Variants in TMEM182 observed in about 807,000 individuals in gnomAD.
TMEM182 encodes transmembrane protein 182.
A neutral mutation model predicts 26.8 loss-of-function variants in TMEM182; 20 were observed. That is an observed-to-expected ratio of 0.75 (90% CI 0.53 to 1.09). The LOEUF (loss-of-function observed/expected upper bound fraction) is 1.09, where lower values mean the gene tolerates loss of function less well. Ranked by LOEUF, TMEM182 falls within the 50% of genes least tolerant of loss-of-function variation. TMEM182 has a pLI of 0.00. For missense variants in TMEM182, 277 were observed against 275.5 expected (o/e 1.01, Z -0.04); for synonymous variants, 109 against 102.2 (o/e 1.07, Z -0.40).
chr2:102,829,037 C>T (rs956274659), intron 3 of TMEM182, among the ~76,000 whole-genome samples: 1 of 152,092 alleles, frequency 6.6e-6, no homozygotes, highest in Non-Finnish European at 1.5e-5. Context: ...TGGAACAGAG[C>T]GGAAGTTAGC....
At chr2:102,746,559 C>T (rs1354000986) in intron 1 of TMEM182, among the ~76,000 whole-genome samples, 1 of 152,040 alleles carries the variant, frequency 6.6e-6, no homozygotes, top group Non-Finnish European at 1.5e-5. Context: ...ATACTTTTAG[C>T]ACTTAAATTT....
At chr2:102,752,322 C>T (rs976570956) in intron 1 of TMEM182, among the ~76,000 whole-genome samples, 9 of 152,170 alleles carry the variant, frequency 5.9e-5, no homozygotes, top group African/African-American at 2.2e-4. Flanking sequence ...TACTTTGTTA[C>T]CTTTGACATT....
chr2:102,801,872 T>C (rs1682155902), intron 4 of TMEM182, among the ~76,000 whole-genome samples: 1 of 152,206 alleles, frequency 6.6e-6, no homozygotes, highest in South Asian at 2.1e-4. Context: ...TTATTTCTTT[T>C]TCTACTTAAT....
At chr2:102,841,718 G>A (rs1171428771) in intron 3 of TMEM182, among the ~76,000 whole-genome samples, 3 of 152,178 alleles carry the variant, frequency 2.0e-5, no homozygotes, top group African/African-American at 7.2e-5. Context: ...ATTTCAAGGT[G>A]GCAATAGCTA....
At chr2:102,796,747 A>G (rs544034147) in intron 3 of TMEM182, among the ~76,000 whole-genome samples, 2 of 152,344 alleles carry the variant, frequency 1.3e-5, no homozygotes, top group South Asian at 4.1e-4. Context: ...GGTTATTCAC[A>G]TAAAAATCCG....
At chr2:102,840,290 G>T (rs1303167828) in intron 3 of TMEM182, among the ~76,000 whole-genome samples, 2 of 152,180 alleles carry the variant, frequency 1.3e-5, no homozygotes, top group African/African-American at 4.8e-5. Flanking sequence ...TCTGGGAAAA[G>T]GTGTGTGCCT....
At chr2:102,752,675 A>G (rs1679909534) in intron 1 of TMEM182, among the ~76,000 whole-genome samples, 1 of 152,216 alleles carries the variant, frequency 6.6e-6, no homozygotes, top group South Asian at 2.1e-4. Flanking sequence ...TTTGGGCCAT[A>G]TGACCTGAAC....
At chr2:102,761,691 T>C (rs1410810269), upstream of TMEM182, among the ~76,000 whole-genome samples, 1 of 152,246 alleles carries the variant, frequency 6.6e-6, no homozygotes, top group African/African-American at 2.4e-5. Flanking sequence ...TTTGTGGTTC[T>C]TTATATCTGT....
intron 3 of TMEM182, among the ~76,000 whole-genome samples, chr2:102,841,600 TGCG>T (rs1390243095): frequency 3.9e-5 from 6 of 152,226 alleles, no homozygotes; most frequent in African/African-American, 1.2e-4. Context: ...GCTGTGAGCA[TGCG>T]GTGTCTGTTG....
chr2:102,840,204 C>A (rs1683323062), intron 3 of TMEM182, among the ~76,000 whole-genome samples: 3 of 152,006 alleles, frequency 2.0e-5, no homozygotes, highest in Non-Finnish European at 4.4e-5. Context: ...GGGTGGAGGC[C>A]TTGGGGAGGG....
At chr2:102,770,807 C>A (rs895758429) in intron 3 of TMEM182, among the ~76,000 whole-genome samples, 3 of 152,198 alleles carry the variant, frequency 2.0e-5, no homozygotes, top group Non-Finnish European at 4.4e-5. Flanking sequence ...CAGCCACATC[C>A]ACACACAACA....
chr2:102,835,947 G>A (rs191309726), intron 3 of TMEM182, among the ~76,000 whole-genome samples: 2 of 151,192 alleles, frequency 1.3e-5, no homozygotes, highest in Admixed American at 1.3e-4. Context: ...AACATGCGGT[G>A]TTTGGTTTCT....
intron 1 of TMEM182, among the ~76,000 whole-genome samples, chr2:102,754,259 T>C (rs969366362): frequency 1.3e-5 from 2 of 152,212 alleles, no homozygotes; most frequent in Admixed American, 6.5e-5. Flanking sequence ...AGTAACACAA[T>C]ACATATACTG....
chr2:102,748,334 C>G (rs1679777614), intron 1 of TMEM182, among the ~76,000 whole-genome samples: 1 of 152,216 alleles, frequency 6.6e-6, no homozygotes, highest in African/African-American at 2.4e-5. Flanking sequence ...GTGGCCCTCT[C>G]ACTGCTGCTG....
At chr2:102,794,301 A>T (rs1206851207) in intron 3 of TMEM182, among the ~76,000 whole-genome samples, 1 of 152,198 alleles carries the variant, frequency 6.6e-6, no homozygotes, top group Non-Finnish European at 1.5e-5. Flanking sequence ...TTTCTACTGT[A>T]TTATGCTGAT....
At chr2:102,811,753 G>A (rs952398075) in intron 4 of TMEM182, among the ~76,000 whole-genome samples, 1 of 152,142 alleles carries the variant, frequency 6.6e-6, no homozygotes, top group Non-Finnish European at 1.5e-5. Context: ...AGCTATGGGA[G>A]GCCCCATCAA....
chr2:102,778,108 G>A (rs530486393), intron 3 of TMEM182, among the ~76,000 whole-genome samples: 3 of 151,892 alleles, frequency 2.0e-5, no homozygotes, highest in Non-Finnish European at 2.9e-5. Context: ...GAGAGGTGTC[G>A]AAGTCTCCAG....
At chr2:102,758,554 A>T, upstream of TMEM182, 1 of 708,710 alleles carries the variant, frequency 1.4e-6, no homozygotes. Flanking sequence ...CTGTACAGGA[A>T]ACATGCACCC....
chr2:102,841,257 G>A (rs531323354), intron 3 of TMEM182, among the ~76,000 whole-genome samples: 19 of 152,302 alleles, frequency 1.2e-4, no homozygotes, highest in African/African-American at 4.6e-4. Context: ...GGGCACCAGG[G>A]TCTGGGTATT....
Sources: gnomAD v4.1 joint callset for allele counts (sites outside exome capture counted in the v4.1 genomes callset) on GRCh38, gnomAD v4.1.1 for gene constraint, MANE v1.5 for transcripts, NCBI Gene and HGNC (gene_info 2026-07-23, HGNC 2026-07-21) for gene names.